EPHA10: variants seen among roughly 807,000 people sequenced by gnomAD.
The protein encoded by EPHA10 is EPH receptor A10, also known as ephrin type-A receptor 10.
A neutral mutation model predicts 109.7 loss-of-function variants in EPHA10; 120 were observed. That is an observed-to-expected ratio of 1.09 (90% CI 0.94 to 1.27). The LOEUF is 1.27. Ranked by LOEUF, EPHA10 falls within the 50% of genes most tolerant of loss-of-function variation. The pLI, the probability that EPHA10 is intolerant of heterozygous loss-of-function variation, is 0.00. For missense variants in EPHA10, 1,396 were observed against 1,411.1 expected, an observed-to-expected ratio of 0.99 and a Z score of 0.17; for synonymous variants, 640 against 618.9, an observed-to-expected ratio of 1.03 and a Z score of -0.51.
chr1:37,757,131 C>G (rs1486401537), intron 3 of EPHA10, among the ~76,000 whole-genome samples: 1 of 152,158 alleles, frequency 6.6e-6, no homozygotes, highest in Non-Finnish European at 1.5e-5. Flanking sequence ...CTGGCCCTAG[C>G]AGAGAATTAA....
At chr1:37,733,045 A>G (rs1358161129) in intron 6 of EPHA10, among the ~76,000 whole-genome samples, 1 of 149,374 alleles carries the variant, frequency 6.7e-6, no homozygotes, top group South Asian at 2.1e-4. Flanking sequence ...GGCACCCACC[A>G]CCATGTCTGG....
intron 7 of EPHA10, among the ~76,000 whole-genome samples, chr1:37,730,604 A>G (rs756706204): frequency 3.9e-5 from 6 of 152,096 alleles, no homozygotes; most frequent in Non-Finnish European, 8.8e-5. Flanking sequence ...AGATGAGGAT[A>G]TTCAATTTCC....
intron 8 of EPHA10, among the ~76,000 whole-genome samples, chr1:37,724,748 C>A (rs560157361): frequency 1.3e-5 from 2 of 152,134 alleles, no homozygotes; most frequent in Non-Finnish European, 2.9e-5. Flanking sequence ...CAGGGGGAAG[C>A]GGCCACCGCA....
intron 5 of EPHA10, 22 bp downstream of exon 5, chr1:37,752,854 T>TGG (rs1646349302): frequency 3.2e-6 from 4 of 1,237,060 alleles, no homozygotes; most frequent in South Asian, 6.0e-5. Flanking sequence ...GGCCTCGGGG[T>TGG]GGGGGGCGCG....
intron 6 of EPHA10, 88 bp from the exon 7 acceptor site, chr1:37,731,670 G>A (rs1645985650): frequency 7.1e-7 from 1 of 1,414,424 alleles, no homozygotes; most frequent in Non-Finnish European, 9.5e-7. Context: ...GGAGGCAGGA[G>A]AAGCGCCCTT....
intron 5 of EPHA10, among the ~76,000 whole-genome samples, chr1:37,736,729 GAATT>G (rs1646078459): frequency 6.6e-6 from 1 of 151,880 alleles, no homozygotes; most frequent in African/African-American, 2.4e-5. Flanking sequence ...ATAAAATTTA[GAATT>G]AATAAACAAA....
chr1:37,731,391 C>T lies in EPHA10; in HGVS notation c.1663+20G>A. The T allele has an allele frequency of 1.9e-6, 3 of 1,568,932 alleles. No homozygotes were observed. Among genetic ancestry groups the T allele is most frequent in the Non-Finnish European group, 2.6e-6 (3 of 1,154,646 alleles). On this transcript the variant is annotated intron_variant, in intron 7 of 16. Transcript: ENST00000373048. ...GGTTCTCTCTGTCTAGGTCCCTGTC[C>T]ACTCACACACACTACTTACCCTCCC...
intron 14 of EPHA10, 62 bp downstream of exon 14, chr1:37,719,847 G>A (rs1185119771): frequency 6.2e-7 from 1 of 1,612,764 alleles, no homozygotes; most frequent in Non-Finnish European, 8.5e-7. Context: ...GCAGAGGTCA[G>A]GAAGCTGGGG....
chr1:37,734,293 G>C (rs1014647153), intron 6 of EPHA10, among the ~76,000 whole-genome samples: 11 of 152,136 alleles, frequency 7.2e-5, no homozygotes, highest in Admixed American at 2.0e-4. Flanking sequence ...CAGCACTTTG[G>C]GAGGCTAAGG....
chr1:37,722,667 C>G (rs1392053630), intron 10 of EPHA10: 1 of 374,618 alleles, frequency 2.7e-6, no homozygotes, highest in East Asian at 6.8e-5. Context: ...GGCCATGACC[C>G]TGATCATGCA....
rs897841576 is a variant in EPHA10, at chr1:37,717,306, G to C, written c.*1066C>G. The C allele has an allele frequency of 1.3e-5, 3 of 232,492 alleles. No individual in the cohort carries two copies. Among genetic ancestry groups the C allele is most frequent in the Non-Finnish European group, 2.5e-5 (3 of 117,692 alleles). The allele number at this position is 232,492 out of a possible 1,614,324, so 14.4% of individuals were successfully genotyped here. On this transcript the variant is annotated 3_prime_UTR_variant, in exon 17 of 17. Transcript: ENST00000373048. ...CCCAAGGCACGGAGCTGGCTGGAGG[G>C]GAGTCGCCTCTAGAGTCCCCAAGGG...
rs371161253 is a variant in EPHA10 at position 37,723,280 on chromosome 1, G to A, written c.1834+31C>T. On this transcript the variant is annotated intron_variant, in intron 9 of 16. Transcript: ENST00000373048. ...TGAGGAGTGAGGCAGGGTGGAGCCC[G>A]CCCCTCCCCAGCCAGGCCCAGCCAA... is the stretch of plus-strand genomic sequence containing the variant. 4.2e-5 allele frequency: 68 copies of A among 1,611,526 alleles called. 1 individual carries two copies. In the South Asian group the frequency reaches 5.7e-4, roughly 14 times the overall value.
chr1:37,752,259 G>A lies in EPHA10; in HGVS notation c.1357+617C>T, dbSNP rs1037200488. Among the ~76,000 whole-genome samples the A allele has an allele frequency of 1.1e-4, 16 of 152,274 alleles. No homozygotes were observed. In the East Asian group the frequency reaches 1.9e-3, roughly 18 times the overall value. The stretch of plus-strand genomic sequence containing the variant: ...CTTATTCACCTCATGTCCAGACTCA[G>A]AGATGTATTGGCTGGTGTGTTCCAT... On this transcript the variant is annotated intron_variant, in intron 5 of 16. Coordinates refer to ENST00000373048, the MANE Select transcript of EPHA10 (RefSeq NM_001099439.2).
rs1646436472 is a variant in EPHA10, at chr1:37,761,904, G to T, written c.351C>A (p.Gly117=). The change falls in exon 3 of 17, where the codon GGC becomes GGA. Residue 117 remains glycine (G), a synonymous_variant. Transcript: ENST00000373048. ...AGGTCTCCTTGCAGGTACCCGCGGC[G>T]CCAGGGATGCTGCTGCAGTCACGGA... The part of the protein sequence containing the change: ...FTLRDCSSIP[G]AAGTCKETFN... 8.1e-6 allele frequency: 13 copies of T among 1,612,010 alleles called. 1 individual carries two copies. The highest frequency in any genetic ancestry group is 5.5e-5 in the South Asian group (5 of 90,920).
chr1:37,762,713 G>T, intron 2 of EPHA10, 72 bp downstream of exon 2: 2 of 1,354,254 alleles, frequency 1.5e-6, no homozygotes, highest in South Asian at 3.0e-5. Context: ...ATGTAAACAT[G>T]AGGAGCTGAG....
intron 5 of EPHA10, among the ~76,000 whole-genome samples, chr1:37,748,947 G>C (rs940932110): frequency 8.4e-6 from 1 of 119,700 alleles, no homozygotes; most frequent in African/African-American, 3.1e-5. Flanking sequence ...TTTTGAGGTG[G>C]AGTCTTGCTC....
At chr1:37,742,714 T>G (rs1646172903) in intron 5 of EPHA10, among the ~76,000 whole-genome samples, 1 of 68,526 alleles carries the variant, frequency 1.5e-5, no homozygotes, top group Non-Finnish European at 3.4e-5. Context: ...GGCCCAGCAC[T>G]GTGGCTCATG....
intron 3 of EPHA10, among the ~76,000 whole-genome samples, chr1:37,755,292 C>A (rs1299951021): frequency 6.6e-6 from 1 of 151,856 alleles, no homozygotes; most frequent in African/African-American, 2.4e-5. Flanking sequence ...AAGAGCTGTT[C>A]CACAGTTACG....
At chr1:37,723,832 C>T (rs970830948) in intron 8 of EPHA10, among the ~76,000 whole-genome samples, 9 of 152,218 alleles carry the variant, frequency 5.9e-5, no homozygotes, top group East Asian at 1.9e-4. Flanking sequence ...TGTTGGGACA[C>T]GGGACAGACA....
Sources: gnomAD v4.1 joint callset for allele counts (sites outside exome capture counted in the v4.1 genomes callset) on GRCh38, gnomAD v4.1.1 for gene constraint, MANE v1.5 for transcripts, NCBI Gene and HGNC (gene_info 2026-07-23, HGNC 2026-07-21) for gene names.